DMD: variants seen among roughly 807,000 people sequenced by gnomAD.
DMD encodes mutant dystrophin.
DMD carries 63 observed loss-of-function variants against 330.1 expected under a neutral mutation model. The ratio of observed to expected loss-of-function variants is 0.19; its 90% CI spans 0.16 to 0.24. DMD has a LOEUF of 0.24. DMD is among the 10% of genes least tolerant of loss of function. The pLI is 1.00. For synonymous variants in DMD, 1,223 were observed against 959.8 expected, an observed-to-expected ratio of 1.27 and a Z score of -5.07; for missense variants, 3,344 against 2,684.1, an observed-to-expected ratio of 1.25 and a Z score of -5.43.
At chrX:32,777,323 T>C (rs1760265523) in intron 7 of DMD, among the ~76,000 whole-genome samples, 1 of 81,146 alleles carries the variant, frequency 1.2e-5, no homozygotes, top group African/African-American at 4.9e-5. Flanking sequence ...GAGGATGCAA[T>C]TGAAATAACT....
intron 64 of DMD, among the ~76,000 whole-genome samples, chrX:31,215,772 C>T (rs986456397): frequency 3.6e-5 from 4 of 112,186 alleles, no homozygotes; most frequent in South Asian, 3.8e-4. Context: ...CCCATTACTC[C>T]GTGTGGAAAG....
chrX:32,984,358 G>A (rs897016989), intron 2 of DMD, among the ~76,000 whole-genome samples: 5 of 112,167 alleles, frequency 4.5e-5, no homozygotes, highest in Admixed American at 1.9e-4. Context: ...AGGTTCAAGC[G>A]ATTCTCCTGC....
chrX:32,923,378 T>C (rs2088633140), intron 2 of DMD, among the ~76,000 whole-genome samples: 1 of 110,031 alleles, frequency 9.1e-6, no homozygotes, highest in Admixed American at 9.8e-5. Flanking sequence ...CTGGCCATTA[T>C]AGCGAAACCC....
intron 46 of DMD, among the ~76,000 whole-genome samples, chrX:31,931,197 T>G (rs1056620593): frequency 9.0e-6 from 1 of 111,382 alleles, no homozygotes; most frequent in African/African-American, 3.3e-5. Flanking sequence ...TTAAATAAAA[T>G]AGTGGCTGTA....
At chrX:33,131,690 AC>A (rs1320619924) in intron 1 of DMD, among the ~76,000 whole-genome samples, 4 of 111,994 alleles carry the variant, frequency 3.6e-5, no homozygotes, top group Non-Finnish European at 7.5e-5. Context: ...GTTCATCGGT[AC>A]GATAAGATAT....
chrX:32,837,264 T>C (rs987986000), intron 4 of DMD, among the ~76,000 whole-genome samples: 2 of 112,174 alleles, frequency 1.8e-5, no homozygotes, highest in Non-Finnish European at 3.8e-5. Flanking sequence ...CTTCTTTGTA[T>C]GTGATGACTA....
chrX:32,448,748 A>G, intron 26 of DMD, 110 bp from the exon 27 acceptor site: 1 of 719,140 alleles, frequency 1.4e-6, no homozygotes, highest in Non-Finnish European at 2.0e-6. Flanking sequence ...TAGAATGAGA[A>G]TTACAAAAAT....
At chrX:31,487,497 G>A (rs982380407) in intron 57 of DMD, among the ~76,000 whole-genome samples, 6 of 110,996 alleles carry the variant, frequency 5.4e-5, no homozygotes, top group African/African-American at 1.6e-4. Flanking sequence ...CTTGATCTCC[G>A]GACCTCGGTT....
chrX:31,504,565 C>T (rs1315195364), intron 56 of DMD, among the ~76,000 whole-genome samples: 1 of 111,421 alleles, frequency 9.0e-6, no homozygotes, highest in East Asian at 2.8e-4. Context: ...TTTAAAATAA[C>T]CCCCATGGAA....
intron 9 of DMD, 104 bp downstream of exon 9, chrX:32,697,766 G>T: frequency 1.8e-6 from 2 of 1,088,383 alleles, no homozygotes; most frequent in South Asian, 1.9e-5. Flanking sequence ...AGCTCTTCAC[G>T]AGGAGATAAA....
At chrX:32,710,281 G>T (rs189822994) in intron 7 of DMD, among the ~76,000 whole-genome samples, 4 of 109,586 alleles carry the variant, frequency 3.7e-5, no homozygotes, top group African/African-American at 1.3e-4. Flanking sequence ...TCCTTGGTTT[G>T]GCTCCCAGTT....
At chrX:32,486,499 A>G (rs113714119) in intron 20 of DMD, among the ~76,000 whole-genome samples, 8,881 of 110,596 alleles carry the variant, frequency 0.08, 476 homozygotes, top group African/African-American at 0.17. Flanking sequence ...GGAAAAAACT[A>G]CTTTAAAGTT....
At position 31,119,665 on chromosome X, in the gene DMD, T is replaced by C. The variant is rs1214486829; in HGVS notation, c.*2254A>G. ...AAATTATTTATGCACTCTATTTACCTCTGATTTTAGAATGAAACTTACTTA... is the reference window on the plus strand; with the variant it reads ...AAATTATTTATGCACTCTATTTACCCCTGATTTTAGAATGAAACTTACTTA... On this transcript the variant is annotated 3_prime_UTR_variant, in exon 79 of 79. Transcript: ENST00000357033. 1 of 111,897 alleles carries C rather than the reference T, an allele frequency of 8.9e-6. No homozygotes were observed. Among genetic ancestry groups the C allele is most frequent in the Non-Finnish European group, 1.9e-5 (1 of 52,872 alleles). 9.2% of individuals were successfully genotyped at this position (111,897 alleles called of 1,213,427 possible). A position where few individuals can be genotyped will look rare whatever the true frequency, so the allele number is the denominator to read the frequency against.
At position 31,315,152 on chromosome X, in the gene DMD, G is replaced by A. The variant is rs776268323; in HGVS notation, c.9224+8446C>T. Among the ~76,000 whole-genome samples, 5 of 111,819 alleles carry A rather than the reference G, an allele frequency of 4.5e-5. No individual in the cohort carries two copies. The East Asian group carries it at 8.4e-4, about 19-fold the overall frequency. On this transcript the variant is annotated intron_variant, in intron 62 of 78. Transcript: ENST00000357033. ...GGAATTCACACATACCCCAAATTAC[G>A]TGGGAACGCTAAGAATGAAAATAAA... is the stretch of plus-strand genomic sequence containing the variant.
At chrX:31,788,299 A>G (rs1179668549) in intron 50 of DMD, among the ~76,000 whole-genome samples, 1 of 112,300 alleles carries the variant, frequency 8.9e-6, no homozygotes. Flanking sequence ...TTGCTTCATT[A>G]TGAACTTATT....
At position 33,176,901 on chromosome X, in the gene DMD, C is replaced by T. The variant is rs2049696904; in HGVS notation, c.31+34381G>A. 2.7e-5 allele frequency among the ~76,000 whole-genome samples: 3 copies of T among 111,759 alleles called. No individual in the cohort carries two copies. The South Asian group carries it at 1.1e-3, about 42-fold the overall frequency. On this transcript the variant is annotated intron_variant, in intron 1 of 78. Transcript: ENST00000357033. ...GCAGTGAGCCGAGATCATGCCATTG[C>T]ACTGCGGCCTGGGCTACAAGAGCAA...
chrX:32,553,067 G>A lies in DMD; in HGVS notation c.1993-7733C>T, dbSNP rs763061718. 3.6e-5 allele frequency among the ~76,000 whole-genome samples: 4 copies of A among 111,797 alleles called. No homozygotes were observed. The South Asian group carries it at 1.5e-3, about 42-fold the overall frequency. The stretch of plus-strand genomic sequence containing the variant: ...TCGACCCAGCAATAACAATTATTGG[G>A]TATACCAAGAAGAATATAAATCCCT... On this transcript the variant is annotated intron_variant, in intron 16 of 78. Coordinates refer to ENST00000357033, the MANE Select transcript of DMD (RefSeq NM_004006.3).
intron 2 of DMD, among the ~76,000 whole-genome samples, chrX:32,954,273 G>C (rs2091438713): frequency 8.9e-6 from 1 of 111,858 alleles, no homozygotes; most frequent in South Asian, 3.7e-4. Flanking sequence ...AGATACTTTG[G>C]ATTCAAGGAC....
intron 44 of DMD, among the ~76,000 whole-genome samples, chrX:32,202,692 G>A (rs925989227): frequency 6.2e-5 from 7 of 112,055 alleles, no homozygotes; most frequent in South Asian, 3.8e-4. Flanking sequence ...AACACCTTCA[G>A]ATGGATGCTA....
Sources: gnomAD v4.1 joint callset for allele counts (sites outside exome capture counted in the v4.1 genomes callset) on GRCh38, gnomAD v4.1.1 for gene constraint, MANE v1.5 for transcripts, NCBI Gene and HGNC (gene_info 2026-07-23, HGNC 2026-07-21) for gene names.